Variants in RSPO3 observed in about 807,000 individuals in gnomAD.
RSPO3 encodes R-spondin-3.
RSPO3 carries 17 observed loss-of-function variants against 36.5 expected under a neutral mutation model. That is an observed-to-expected ratio of 0.47 (90% CI 0.32 to 0.70). The LOEUF (loss-of-function observed/expected upper bound fraction) is 0.70. RSPO3 is among the 30% of genes least tolerant of loss of function. The pLI is 0.04. For missense variants in RSPO3, 294 were observed against 322.5 expected (o/e 0.91, Z 0.68); for synonymous variants, 108 against 107.0 (o/e 1.01, Z -0.06).
At chr6:127,119,402 C>G in intron 1 of RSPO3, 113 bp downstream of exon 1, 1 of 765,098 alleles carries the variant, frequency 1.3e-6, no homozygotes, top group Non-Finnish European at 2.2e-6. Flanking sequence ...CCCTGCGCCT[C>G]GCAGAGGAGA....
chr6:127,193,044 A>G (rs1175972569), intron 4 of RSPO3, among the ~76,000 whole-genome samples: 2 of 152,198 alleles, frequency 1.3e-5, no homozygotes, highest in African/African-American at 4.8e-5. Context: ...AGCATTTCCA[A>G]CCACTAACAC....
chr6:127,154,876 G>A (rs1293941547), intron 3 of RSPO3, among the ~76,000 whole-genome samples: 3 of 152,102 alleles, frequency 2.0e-5, no homozygotes, highest in Non-Finnish European at 2.9e-5. Flanking sequence ...CTAGCACATA[G>A]TATAACAACT....
intron 1 of RSPO3, among the ~76,000 whole-genome samples, chr6:127,132,664 G>T (rs867272362): frequency 2.6e-5 from 4 of 151,848 alleles, no homozygotes; most frequent in Non-Finnish European, 4.4e-5. Context: ...CTACTAAAAG[G>T]GATAACTGCT....
At chr6:127,188,286 G>T (rs967534772) in intron 4 of RSPO3, among the ~76,000 whole-genome samples, 1 of 152,074 alleles carries the variant, frequency 6.6e-6, no homozygotes, top group Non-Finnish European at 1.5e-5. Context: ...ATTTAATTAG[G>T]CAAAAGAGAG....
At chr6:127,166,745 A>AT (rs1774828506) in intron 4 of RSPO3, among the ~76,000 whole-genome samples, 1 of 151,994 alleles carries the variant, frequency 6.6e-6, no homozygotes, top group South Asian at 2.1e-4. Context: ...AAGGTGTTTC[A>AT]GTTCACACGT....
chr6:127,146,091 A>C (rs1262795664), intron 1 of RSPO3, among the ~76,000 whole-genome samples: 1 of 152,184 alleles, frequency 6.6e-6, no homozygotes, highest in East Asian at 1.9e-4. Context: ...TGAGCTTCAT[A>C]GTCTTCATTT....
At chr6:127,173,011 C>T (rs1774972199) in intron 4 of RSPO3, among the ~76,000 whole-genome samples, 1 of 151,766 alleles carries the variant, frequency 6.6e-6, no homozygotes, top group Non-Finnish European at 1.5e-5. Context: ...TTTTTCAACA[C>T]TTTTGCCCTG....
At position 127,155,446 on chromosome 6, in the gene RSPO3, C is replaced by T. The variant is rs763374416; in HGVS notation, c.634+8C>T. 24 of 1,610,170 alleles carry T rather than the reference C, an allele frequency of 1.5e-5. 1 individual carries two copies. In the East Asian group the frequency reaches 5.4e-4, roughly 36 times the overall value. ...GTCAGAAGGGAGAACGAGGTACAAT[C>T]ATAATAACAAAATGTGCTTGTTTGA... On this transcript the variant is annotated splice_region_variant and intron_variant, in intron 4 of 4. Coordinates refer to ENST00000356698, the MANE Select transcript of RSPO3 (RefSeq NM_032784.5).
chr6:127,137,604 A>G (rs1206472188), intron 1 of RSPO3, among the ~76,000 whole-genome samples: 1 of 152,212 alleles, frequency 6.6e-6, no homozygotes, highest in Admixed American at 6.5e-5. Flanking sequence ...GGGAGAAGGA[A>G]GAGCTTCAAG....
intron 4 of RSPO3, among the ~76,000 whole-genome samples, chr6:127,177,813 T>C (rs941415768): frequency 6.6e-6 from 1 of 151,664 alleles, no homozygotes; most frequent in Non-Finnish European, 1.5e-5. Flanking sequence ...CAAAAGTCAG[T>C]CGTAAATGCT....
At chr6:127,154,281 G>C (rs372474561) in intron 3 of RSPO3, among the ~76,000 whole-genome samples, 2 of 152,102 alleles carry the variant, frequency 1.3e-5, no homozygotes, top group South Asian at 4.1e-4. Context: ...ACTGTTGCTA[G>C]CTGTTGTTAT....
chr6:127,194,084 C>T (rs76971843), intron 4 of RSPO3, among the ~76,000 whole-genome samples: 310 of 152,252 alleles, frequency 2.0e-3, no homozygotes, highest in Non-Finnish European at 3.0e-3. Context: ...TAAATACAGT[C>T]TCATGACAAA....
At chr6:127,151,196 T>G (rs1441142923) in intron 3 of RSPO3, among the ~76,000 whole-genome samples, 1 of 151,846 alleles carries the variant, frequency 6.6e-6, no homozygotes, top group Non-Finnish European at 1.5e-5. Context: ...TATTGATACA[T>G]AATAAAAAGG....
intron 1 of RSPO3, among the ~76,000 whole-genome samples, chr6:127,147,761 T>G (rs1203553327): frequency 6.6e-6 from 1 of 152,182 alleles, no homozygotes; most frequent in African/African-American, 2.4e-5. Context: ...CCCTGGAATA[T>G]GTGTAACAGT....
At chr6:127,188,511 C>G (rs1405380482) in intron 4 of RSPO3, among the ~76,000 whole-genome samples, 2 of 151,380 alleles carry the variant, frequency 1.3e-5, no homozygotes, top group Non-Finnish European at 2.9e-5. Context: ...TTCATTAAAG[C>G]TTCAAAAATG....
At chr6:127,181,204 G>A (rs1775179856) in intron 4 of RSPO3, among the ~76,000 whole-genome samples, 1 of 151,934 alleles carries the variant, frequency 6.6e-6, no homozygotes. Context: ...CTCACCTGCT[G>A]GAGAAGATCA....
At chr6:127,183,603 C>G (rs1237438196) in intron 4 of RSPO3, among the ~76,000 whole-genome samples, 2 of 151,998 alleles carry the variant, frequency 1.3e-5, no homozygotes, top group African/African-American at 4.8e-5. Context: ...CAATATTTAT[C>G]TTTTTCATTT....
At chr6:127,180,944 AC>A (rs1775173209) in intron 4 of RSPO3, among the ~76,000 whole-genome samples, 1 of 151,920 alleles carries the variant, frequency 6.6e-6, no homozygotes, top group African/African-American at 2.4e-5. Flanking sequence ...AAAGTGCTTT[AC>A]TTAAGGTCAT....
At chr6:127,162,583 A>C (rs1208459669) in intron 4 of RSPO3, among the ~76,000 whole-genome samples, 1 of 152,192 alleles carries the variant, frequency 6.6e-6, no homozygotes, top group Non-Finnish European at 1.5e-5. Flanking sequence ...TCATACGCTC[A>C]ACAAATATTT....
Sources: gnomAD v4.1 joint callset for allele counts (sites outside exome capture counted in the v4.1 genomes callset) on GRCh38, gnomAD v4.1.1 for gene constraint, MANE v1.5 for transcripts, NCBI Gene and HGNC (gene_info 2026-07-23, HGNC 2026-07-21) for gene names.